The following PCBP3 variants were observed in gnomAD, a reference collection of about 807,000 sequenced individuals.
The protein encoded by PCBP3 is poly(rC) binding protein 3.
PCBP3 carries 25 observed loss-of-function variants against 52.7 expected under a neutral mutation model. That is an observed-to-expected ratio of 0.47 (90% CI 0.35 to 0.66). The LOEUF is 0.66. Among genes scored for constraint, PCBP3 ranks in the 30% least tolerant of loss-of-function variants. PCBP3 has a pLI of 0.01. For missense variants in PCBP3, 391 were observed against 490.3 expected (o/e 0.80, Z 1.91); for synonymous variants, 162 against 183.0 (o/e 0.89, Z 0.93).
intron 1 of PCBP3, among the ~76,000 whole-genome samples, chr21:45,660,593 T>C (rs943224756): frequency 5.9e-5 from 9 of 152,220 alleles, no homozygotes; most frequent in African/African-American, 1.9e-4. Context: ...TTTACTATTT[T>C]TTATTTTCTT....
intron 2 of PCBP3, among the ~76,000 whole-genome samples, chr21:45,683,052 G>GTCA (rs1382113750): frequency 6.7e-6 from 1 of 149,790 alleles, no homozygotes; most frequent in African/African-American, 2.5e-5. Flanking sequence ...AATACTGCGT[G>GTCA]TCATCAATCA....
intron 2 of PCBP3, among the ~76,000 whole-genome samples, chr21:45,727,092 T>C (rs1031718697): frequency 5.3e-5 from 8 of 152,228 alleles, no homozygotes; most frequent in Non-Finnish European, 8.8e-5. Flanking sequence ...AAGAATTCTT[T>C]GTTAAATTGA....
chr21:45,881,035 C>A (rs1415530216), intron 5 of PCBP3, among the ~76,000 whole-genome samples: 3 of 152,186 alleles, frequency 2.0e-5, no homozygotes, highest in African/African-American at 4.8e-5. Context: ...CAGCTGCGGG[C>A]CACAGCTGTG....
intron 15 of PCBP3, among the ~76,000 whole-genome samples, chr21:45,933,043 T>G (rs960963380): frequency 6.6e-6 from 1 of 151,810 alleles, no homozygotes; most frequent in Non-Finnish European, 1.5e-5. Flanking sequence ...ACATCAGCCA[T>G]GCCGTTCTGA....
intron 4 of PCBP3, among the ~76,000 whole-genome samples, chr21:45,768,041 C>T (rs2089516950): frequency 6.6e-6 from 1 of 152,284 alleles, no homozygotes; most frequent in Non-Finnish European, 1.5e-5. Flanking sequence ...GCCATGGTGC[C>T]AGTGTCCTTG....
chr21:45,895,521 C>T (rs553414250), intron 5 of PCBP3, among the ~76,000 whole-genome samples: 1 of 152,350 alleles, frequency 6.6e-6, no homozygotes, highest in Non-Finnish European at 1.5e-5. Context: ...CTTCCACTAC[C>T]ATCATTCTTT....
intron 4 of PCBP3, among the ~76,000 whole-genome samples, chr21:45,775,431 T>G (rs2090182095): frequency 6.6e-6 from 1 of 152,126 alleles, no homozygotes; most frequent in African/African-American, 2.4e-5. Context: ...TTAAAAAAAT[T>G]TTTAGAAACA....
At chr21:45,697,395 C>T (rs964925120) in intron 2 of PCBP3, among the ~76,000 whole-genome samples, 3 of 152,160 alleles carry the variant, frequency 2.0e-5, no homozygotes, top group Non-Finnish European at 4.4e-5. Flanking sequence ...AATACACTCA[C>T]TAATAATTTA....
chr21:45,678,592 C>T (rs1327168689), intron 2 of PCBP3, among the ~76,000 whole-genome samples: 3 of 151,684 alleles, frequency 2.0e-5, no homozygotes, highest in African/African-American at 7.3e-5. Context: ...AGCAAGAGAA[C>T]TAGAATTAGA....
intron 1 of PCBP3, among the ~76,000 whole-genome samples, chr21:45,664,009 T>C (rs2080598144): frequency 2.5e-5 from 1 of 39,812 alleles, no homozygotes; most frequent in African/African-American, 6.7e-5. Flanking sequence ...AGGATGTTTT[T>C]CTTTTTTTTT....
chr21:45,724,976 G>A lies in PCBP3; in HGVS notation c.-199-10416G>A, dbSNP rs116237228. ...TAGCTCAAATAAACTGTTGTGAGCC[G>A]TTAAGTATGGCAGTTTGTATCATGG... On this transcript the variant is annotated intron_variant, in intron 2 of 17. Coordinates refer to ENST00000681687, the MANE Select transcript of PCBP3 (RefSeq NM_001384156.1). This position sits in a 1 kb window ranked among gnomAD's most constrained non-coding sequence, Gnocchi z 5.3. 3.0e-3 allele frequency among the ~76,000 whole-genome samples: 462 copies of A among 152,270 alleles called. 3 individuals carry two copies. The highest frequency in any genetic ancestry group is 0.01 in the African/African-American group (434 of 41,554).
At chr21:45,665,599 A>T (rs570808450) in intron 1 of PCBP3, among the ~76,000 whole-genome samples, 1 of 152,266 alleles carries the variant, frequency 6.6e-6, no homozygotes, top group Non-Finnish European at 1.5e-5. Context: ...ACAGACCAAT[A>T]ACAAGTAGCG....
At chr21:45,891,888 G>T (rs1319704483) in intron 5 of PCBP3, among the ~76,000 whole-genome samples, 2 of 152,206 alleles carry the variant, frequency 1.3e-5, no homozygotes, top group Non-Finnish European at 2.9e-5. Flanking sequence ...AGCCTCCTGG[G>T]CTGTCTCAAT....
intron 2 of PCBP3, among the ~76,000 whole-genome samples, chr21:45,702,224 A>G (rs1423404650): frequency 6.6e-6 from 1 of 152,230 alleles, no homozygotes; most frequent in Non-Finnish European, 1.5e-5. Context: ...ATTGTCTGTC[A>G]GTCTTGCCCT....
intron 7 of PCBP3, 83 bp downstream of exon 7, chr21:45,899,705 G>A (rs896553828): frequency 9.7e-7 from 1 of 1,033,136 alleles, no homozygotes. Flanking sequence ...GTACTAGGTG[G>A]CACCCAGTAG....
chr21:45,835,037 C>T (rs980639738), intron 4 of PCBP3, among the ~76,000 whole-genome samples: 3 of 152,208 alleles, frequency 2.0e-5, no homozygotes, highest in Non-Finnish European at 2.9e-5. Context: ...TCGCGAACGC[C>T]GCAGCAGCCT....
At chr21:45,925,169 A>C (rs1326383790) in intron 13 of PCBP3, among the ~76,000 whole-genome samples, 15 of 137,112 alleles carry the variant, frequency 1.1e-4, no homozygotes, top group Middle Eastern at 4.3e-3. Flanking sequence ...GGAACAGTCG[A>C]GTGGGTAGAA....
intron 2 of PCBP3, among the ~76,000 whole-genome samples, chr21:45,700,012 A>G (rs2083016277): frequency 6.6e-6 from 1 of 152,196 alleles, no homozygotes; most frequent in East Asian, 1.9e-4. Context: ...CATTAGCTCA[A>G]ATGTCCACAG....
At chr21:45,801,358 G>A (rs1479168242) in intron 4 of PCBP3, among the ~76,000 whole-genome samples, 1 of 152,240 alleles carries the variant, frequency 6.6e-6, no homozygotes, top group Non-Finnish European at 1.5e-5. Flanking sequence ...GACAGCCAGT[G>A]TCTGGGCTGG....
Sources: allele counts gnomAD v4.1 joint callset (sites outside exome capture counted in the v4.1 genomes callset), GRCh38; gene constraint gnomAD v4.1.1; non-coding constraint Gnocchi (gnomAD v3.1); transcripts MANE v1.5; gene names NCBI Gene and HGNC (gene_info 2026-07-23, HGNC 2026-07-21).